Variants in GRK7 observed in about 807,000 individuals in gnomAD.
The protein encoded by GRK7 is rhodopsin kinase GRK7.
In GRK7, 24 loss-of-function variants were observed where a neutral mutation model predicts 34.1. The ratio of observed to expected loss-of-function variants is 0.70; its 90% CI spans 0.51 to 0.99. The LOEUF is 0.99. GRK7 is among the 50% of genes least tolerant of loss of function. The pLI, the probability that GRK7 is intolerant of heterozygous loss-of-function variation, is 0.00. For synonymous variants in GRK7, 256 were observed against 279.4 expected (o/e 0.92, Z 0.84); for missense variants, 644 against 707.3 (o/e 0.91, Z 1.02).
chr3:141,752,284 G>A, the GRK7 span, among the ~76,000 whole-genome samples: 1 of 152,170 alleles, frequency 6.6e-6, no homozygotes, highest in East Asian at 1.9e-4. Context: ...TAGATGTATA[G>A]CATTGGTTCT....
chr3:141,778,392 C>A lies in GRK7; in HGVS notation c.108C>A (p.Ser36Arg), dbSNP rs758675614. ...AAGAGCTGCAGCGGCGGCGGCGTAG[C>A]CTGGCCCTGCCCGGGCTGCAGGGCT... ...DSKELQRRRR[S>R]LALPGLQGCA... is the part of the protein sequence containing the mutation. Residue 36 changes from serine to arginine, a missense_variant, in exon 3 of 6, where the codon AGC becomes AGA. Physicochemically the swap from Ser to Arg is moderately radical, Grantham distance 110. Coordinates refer to ENST00000682958, the MANE Select transcript of GRK7 (RefSeq NM_139209.3). This position sits in a 1 kb window ranked among gnomAD's most constrained non-coding sequence, Gnocchi z 4.1. 28 of 1,612,264 alleles carry A rather than the reference C, an allele frequency of 1.7e-5. No individual in the cohort carries two copies. Among genetic ancestry groups the A allele is most frequent in the Non-Finnish European group, 1.5e-5 (18 of 1,179,524 alleles).
At chr3:141,776,373 T>C (rs1156973212) in intron 2 of GRK7, among the ~76,000 whole-genome samples, 2 of 152,216 alleles carry the variant, frequency 1.3e-5, no homozygotes, top group African/African-American at 4.8e-5. Flanking sequence ...AGGTTCTACC[T>C]TGCTAGGCTG....
In GRK7 at chr3:141,780,554, T is replaced by C; in HGVS notation, c.793T>C (p.Cys265Arg). Reference protein sequence around the residue: ...AYAFESKTHLCLVMSLMNGGD... With the variant: ...AYAFESKTHLRLVMSLMNGGD... The stretch of plus-strand genomic sequence containing the variant: ...TGCCTTTGAGAGCAAGACCCATCTC[T>C]GCCTTGTCATGAGCCTGATGAATGG... The change falls in exon 4 of 6, where the codon TGC becomes CGC. Residue 265 changes from cysteine to arginine, a missense_variant. Coordinates refer to ENST00000682958, the MANE Select transcript of GRK7 (RefSeq NM_139209.3). The C allele has an allele frequency of 1.2e-6, 2 of 1,614,268 alleles. No individual in the cohort carries two copies. The highest frequency in any genetic ancestry group is 1.7e-6 in the Non-Finnish European group (2 of 1,180,048).
At chr3:141,757,048 A>G in the GRK7 span, among the ~76,000 whole-genome samples, 2 of 152,020 alleles carry the variant, frequency 1.3e-5, no homozygotes, top group Non-Finnish European at 2.9e-5. Context: ...CCCAATTATA[A>G]GACGAAAATT....
chr3:141,802,163 G>A (rs1353424302), intron 4 of GRK7, among the ~76,000 whole-genome samples: 2 of 152,022 alleles, frequency 1.3e-5, no homozygotes, highest in African/African-American at 4.8e-5. Context: ...AACTAGCCTG[G>A]GAAACAGAGA....
At chr3:141,775,173 G>C (rs1321090295) in intron 2 of GRK7, among the ~76,000 whole-genome samples, 1 of 152,230 alleles carries the variant, frequency 6.6e-6, no homozygotes, top group East Asian at 1.9e-4. Flanking sequence ...GCCAAGGAGG[G>C]CGGATCACTT....
In GRK7 at chr3:141,778,480, G is replaced by A. The variant is rs758755551; in HGVS notation, c.196G>A (p.Gly66Ser). Residue 66 changes from glycine (G) to serine (S), a missense_variant, in exon 3 of 6, where the codon GGT (glycine) becomes AGT (serine). Transcript: ENST00000682958. This position sits in a 1 kb window ranked among gnomAD's most constrained non-coding sequence, Gnocchi z 4.1. ...CAGCCTGTGTGAGCAGCAGCCCATC[G>A]GTCGCCGCCTCTTCCGTGACTTCCT... is the stretch of plus-strand genomic sequence containing the variant. ...FHSLCEQQPI[G>S]RRLFRDFLAT... The A allele has an allele frequency of 4.3e-6, 7 of 1,613,120 alleles. No individual in the cohort carries two copies. Among genetic ancestry groups the A allele is most frequent in the Non-Finnish European group, 4.2e-6 (5 of 1,179,932 alleles).
At position 141,817,105 on chromosome 3, in the gene GRK7, T is replaced by A. The variant is rs1711163619; in HGVS notation, c.*55T>A. ...AGTCTCGGCTGACATAATCCTCGAA[T>A]GTTCCACACGTGGAAATCTGTGGAA... On this transcript the variant is annotated 3_prime_UTR_variant, in exon 6 of 6. Coordinates refer to ENST00000682958, the MANE Select transcript of GRK7 (RefSeq NM_139209.3). 9.7e-6 allele frequency: 13 copies of A among 1,339,994 alleles called. No homozygotes were observed. Among genetic ancestry groups the A allele is most frequent in the Non-Finnish European group, 1.1e-5 (11 of 977,958 alleles). The allele number at this position is 1,339,994 out of a possible 1,614,324, so 83.0% of individuals were successfully genotyped here. A position where few individuals can be genotyped will look rare whatever the true frequency, so the allele number is the denominator to read the frequency against.
At chr3:141,813,114 G>A (rs1711110222) in intron 5 of GRK7, among the ~76,000 whole-genome samples, 1 of 151,880 alleles carries the variant, frequency 6.6e-6, no homozygotes, top group Non-Finnish European at 1.5e-5. Flanking sequence ...TAAAAAATCT[G>A]TTTGTTCGTT....
chr3:141,814,785 C>T (rs192097451), intron 5 of GRK7, among the ~76,000 whole-genome samples: 10 of 152,130 alleles, frequency 6.6e-5, no homozygotes, highest in Admixed American at 2.6e-4. Flanking sequence ...TTTAGTTCTT[C>T]GAGAACTCTC....
chr3:141,754,706 A>G, the GRK7 span, among the ~76,000 whole-genome samples: 1 of 152,200 alleles, frequency 6.6e-6, no homozygotes, highest in Admixed American at 6.5e-5. Flanking sequence ...AAGGAAAAGA[A>G]CAATTGGGAA....
chr3:141,794,368 C>T (rs1383058581), intron 4 of GRK7, among the ~76,000 whole-genome samples: 1 of 152,140 alleles, frequency 6.6e-6, no homozygotes, highest in African/African-American at 2.4e-5. Flanking sequence ...GCCAAGTAGC[C>T]CCCACAGGTG....
chr3:141,815,259 GT>G (rs1711141137), intron 5 of GRK7, among the ~76,000 whole-genome samples: 1 of 126,004 alleles, frequency 7.9e-6, no homozygotes, highest in Non-Finnish European at 1.7e-5. Flanking sequence ...TTGTTTGTTT[GT>G]TTTTTCTTAG....
intron 5 of GRK7, among the ~76,000 whole-genome samples, chr3:141,814,588 A>G (rs906122239): frequency 3.9e-5 from 6 of 152,150 alleles, no homozygotes; most frequent in African/African-American, 1.4e-4. Context: ...ATTATTCCAT[A>G]TTGTGTATGT....
At chr3:141,804,986 G>GCACA (rs916251520) in intron 4 of GRK7, among the ~76,000 whole-genome samples, 1 of 140,650 alleles carries the variant, frequency 7.1e-6, no homozygotes, top group South Asian at 2.3e-4. Flanking sequence ...ACACCCACTC[G>GCACA]CACACACACA....
At chr3:141,798,454 T>TACAC in intron 4 of GRK7, among the ~76,000 whole-genome samples, 1 of 151,632 alleles carries the variant, frequency 6.6e-6, no homozygotes, top group East Asian at 1.9e-4. Context: ...ATAAAACACA[T>TACAC]ACACACACAC....
intron 1 of GRK7, among the ~76,000 whole-genome samples, chr3:141,770,756 A>T (rs981310016): frequency 1.3e-5 from 2 of 152,062 alleles, no homozygotes; most frequent in African/African-American, 4.8e-5. Context: ...AAAACAACAA[A>T]CGTTGGTGAG....
chr3:141,774,826 A>G (rs1364930943), intron 2 of GRK7, among the ~76,000 whole-genome samples, 146 bp downstream of exon 2: 1 of 150,438 alleles, frequency 6.6e-6, no homozygotes, highest in Non-Finnish European at 1.5e-5. Context: ...AATTATTATT[A>G]TATGTTTTGA....
upstream of GRK7, among the ~76,000 whole-genome samples, chr3:141,760,417 G>A (rs1317707027): frequency 7.3e-6 from 1 of 137,436 alleles, no homozygotes; most frequent in Non-Finnish European, 1.5e-5. Context: ...CCATGTAGTT[G>A]AGCGGCTTTG....
Sources: allele counts gnomAD v4.1 joint callset (sites outside exome capture counted in the v4.1 genomes callset), GRCh38; gene constraint gnomAD v4.1.1; non-coding constraint Gnocchi (gnomAD v3.1); transcripts MANE v1.5; gene names NCBI Gene and HGNC (gene_info 2026-07-23, HGNC 2026-07-21).